F5: variants seen among roughly 807,000 people sequenced by gnomAD.
F5 encodes the protein activated protein c cofactor.
A neutral mutation model predicts 216.4 loss-of-function variants in F5; 138 were observed. That is an observed-to-expected ratio of 0.64 (90% CI 0.56 to 0.73). F5 has a LOEUF of 0.73. F5 is among the 30% of genes least tolerant of loss of function. The pLI is 0.00. For missense variants in F5, 2,403 were observed against 2,674.0 expected (o/e 0.90, Z 2.24); for synonymous variants, 916 against 930.7 (o/e 0.98, Z 0.29).
At chr1:169,572,435 T>C (rs1660747722) in intron 2 of F5, 92 bp from the exon 3 acceptor site, 2 of 1,471,744 alleles carry the variant, frequency 1.4e-6, no homozygotes, top group Non-Finnish European at 1.9e-6. Flanking sequence ...ATACCAAGAG[T>C]GATTGCTACC....
chr1:169,541,944 T>C lies in F5; in HGVS notation c.3146A>G (p.His1049Arg), dbSNP rs1659863565. The change falls in exon 13 of 25, where the codon CAC (histidine) becomes CGC (arginine). Residue 1049 changes from histidine (H) to arginine (R), a missense_variant. His to Arg is a conservative substitution (Grantham distance 29, BLOSUM62 0). This residue lies in a region of F5 where 1,425 missense variants were observed against 1,554.8 expected (regional missense o/e 0.92). Coordinates refer to ENST00000367797, the MANE Select transcript of F5 (RefSeq NM_000130.5). ...HHAPLSPRTF[H>R]PLRSEAYNTF... ...GTTGTAGGCTTCACTTCTTAGAGGG[T>C]GAAAGGTCCTCGGAGATAAAGGAGC... 2.5e-6 allele frequency: 4 copies of C among 1,614,138 alleles called. No homozygotes were observed. Among genetic ancestry groups the C allele is most frequent in the Non-Finnish European group, 3.4e-6 (4 of 1,180,018 alleles).
At chr1:169,566,720 C>T (rs549356163) in intron 3 of F5, among the ~76,000 whole-genome samples, 1 of 151,894 alleles carries the variant, frequency 6.6e-6, no homozygotes, top group African/African-American at 2.4e-5. Flanking sequence ...TAATATAATC[C>T]TTTTTCTAGA....
rs1024310278 is a variant in F5 at position 169,582,415 on chromosome 1, T to A, written c.250+16A>T. 3 of 1,365,042 alleles carry A rather than the reference T, an allele frequency of 2.2e-6. No homozygotes were observed. Among genetic ancestry groups the A allele is most frequent in the Non-Finnish European group, 3.1e-6 (3 of 969,606 alleles). 84.6% of individuals were successfully genotyped at this position (1,365,042 alleles called of 1,614,324 possible). On this transcript the variant is annotated intron_variant, in intron 2 of 24. Coordinates refer to ENST00000367797, the MANE Select transcript of F5 (RefSeq NM_000130.5). ...AAATTTATCTTTAAAATTAAAAAAG[T>A]ATATTTCAGGCTTACCTGAAATGGT... is the stretch of plus-strand genomic sequence containing the variant.
chr1:169,552,572 G>C lies in F5; in HGVS notation c.1281C>G (p.Val427=), dbSNP rs1292267151. The C allele has an allele frequency of 6.2e-7, 1 of 1,613,384 alleles. No homozygotes were observed. The highest frequency in any genetic ancestry group is 8.5e-7 in the Non-Finnish European group (1 of 1,179,600). Residue 427 remains valine, a synonymous_variant, in exon 8 of 25, where the codon GTC becomes GTG. Coordinates refer to ENST00000367797, the MANE Select transcript of F5 (RefSeq NM_000130.5). ...GILGPIIRAQ[V]RDTLKIVFKN... ...TGTTACTTACTTTGAGTGTGTCTCT[G>C]ACCTGGGCTCTGATAATAGGACCCA...
At position 169,550,722 on chromosome 1, in the gene F5, C is replaced by T; in HGVS notation, c.1314G>A (p.Met438Ile). 1 of 1,613,608 alleles carries T rather than the reference C, an allele frequency of 6.2e-7. No homozygotes were observed. The highest frequency in any genetic ancestry group is 8.5e-7 in the Non-Finnish European group (1 of 1,179,600). Residue 438 changes from methionine to isoleucine, a missense_variant, in exon 9 of 25, where the codon ATG (methionine) becomes ATA (isoleucine). Physicochemically the swap from Met to Ile is conservative, Grantham distance 10. Coordinates refer to ENST00000367797, the MANE Select transcript of F5 (RefSeq NM_000130.5). ...GGTAAATGCTATAGGGGCGGCTGGC[C>T]ATATTTTTGAACACGATCTACAAAG... ...RDTLKIVFKNMASRPYSIYPH... is the reference protein window; with the variant it reads ...RDTLKIVFKNIASRPYSIYPH...
intron 3 of F5, among the ~76,000 whole-genome samples, chr1:169,564,537 T>C (rs137956128): frequency 7.2e-4 from 110 of 152,212 alleles, no homozygotes; most frequent in Non-Finnish European, 1.3e-3. Context: ...TGTCTGTCAT[T>C]CGATGTCTGA....
chr1:169,539,201 A>G (rs1398455327), intron 13 of F5, among the ~76,000 whole-genome samples: 1 of 152,142 alleles, frequency 6.6e-6, no homozygotes, highest in Non-Finnish European at 1.5e-5. Context: ...AATATTTGCT[A>G]TATACTGTGA....
At position 169,528,271 on chromosome 1, in the gene F5, G is replaced by A. The variant is rs376227546; in HGVS notation, c.5420-177C>T. Among the ~76,000 whole-genome samples the A allele has an allele frequency of 3.5e-4, 53 of 152,308 alleles. No homozygotes were observed. The South Asian group carries it at 0.011, about 30-fold the overall frequency. On this transcript the variant is annotated intron_variant, in intron 16 of 24. Transcript: ENST00000367797. ...GTCACATTAGTGAGAGGCTAAAGCAGAACCACTAGTCCTTCTCATATCATT... is the reference window on the plus strand; with the variant it reads ...GTCACATTAGTGAGAGGCTAAAGCAAAACCACTAGTCCTTCTCATATCATT...
Position 169,518,484 on chromosome 1 carries a change from C to A in F5, c.6273G>T (p.Trp2091Cys). ...QITASSFKKS[W>C]WGDYWEPFRA... ...GGAAGGGTTCCCAGTAATCTCCCCACCAAGATTTCTTAAACGAAGAAGCTG... is the reference window on the plus strand; with the variant it reads ...GGAAGGGTTCCCAGTAATCTCCCCAACAAGATTTCTTAAACGAAGAAGCTG... The change falls in exon 23 of 25, where the codon TGG becomes TGT. Residue 2091 changes from tryptophan (W) to cysteine (C), a missense_variant. Physicochemically the swap from Trp to Cys is radical, Grantham distance 215. Transcript: ENST00000367797. 6.2e-7 allele frequency: 1 copy of A among 1,613,892 alleles called. No homozygotes were observed. Among genetic ancestry groups the A allele is most frequent in the Non-Finnish European group, 8.5e-7 (1 of 1,179,876 alleles).
chr1:169,545,141 C>T (rs1410411363), intron 11 of F5, among the ~76,000 whole-genome samples: 1 of 152,180 alleles, frequency 6.6e-6, no homozygotes, highest in Non-Finnish European at 1.5e-5. Context: ...GCCTTAGTAC[C>T]AGTATAATGA....
intron 21 of F5, among the ~76,000 whole-genome samples, chr1:169,521,770 G>T (rs549835079): frequency 1.3e-5 from 2 of 148,380 alleles, no homozygotes; most frequent in South Asian, 4.5e-4. Flanking sequence ...ACAAGTGCAC[G>T]CCACCCTGCC....
chr1:169,530,911 T>A lies in F5; in HGVS notation c.5083A>T (p.Lys1695Ter), dbSNP rs1274612002. 6.2e-7 allele frequency: 1 copy of A among 1,613,698 alleles called. No individual in the cohort carries two copies. Among genetic ancestry groups the A allele is most frequent in the Non-Finnish European group, 8.5e-7 (1 of 1,179,732 alleles). ...TTTGGCTGAACAGCATTATCTTCCTTAAACCATTCAGGAGAGTCATCTTCA... is the reference window on the plus strand; with the variant it reads ...TTTGGCTGAACAGCATTATCTTCCTAAAACCATTCAGGAGAGTCATCTTCA... ...TYEDDSPEWF[K>*]EDNAVQPNSS... Residue 1695 changes from lysine (K) to a stop codon, truncating the protein, a stop_gained, in exon 15 of 25, where the codon AAG (lysine) becomes TAG (stop). Transcript: ENST00000367797. LOFTEE classifies it high-confidence loss of function.
At chr1:169,553,987 C>G (rs2101828265) in intron 7 of F5, among the ~76,000 whole-genome samples, 1 of 152,198 alleles carries the variant, frequency 6.6e-6, no homozygotes, top group South Asian at 2.1e-4. Flanking sequence ...GTGGAAAGCA[C>G]TGACTGTTGC....
intron 1 of F5, 133 bp from the exon 2 acceptor site, chr1:169,582,655 C>T (rs551377986): frequency 2.0e-6 from 1 of 510,392 alleles, no homozygotes; most frequent in African/African-American, 1.9e-5. Flanking sequence ...TTCAGAAGTC[C>T]ACAGTTTTAT....
Position 169,531,025 on chromosome 1 carries a change from A to G in F5, c.4972-3T>C, listed in dbSNP as rs1277942158. The G allele has an allele frequency of 6.2e-7, 1 of 1,602,848 alleles. No homozygotes were observed. Among genetic ancestry groups the G allele is most frequent in the Non-Finnish European group, 8.5e-7 (1 of 1,172,254 alleles). ...GATGCTAAATTTTTAAAACGAACCT[A>G]GGAAAAGGAATGATCCACAAATGTA... On this transcript the variant is annotated splice_polypyrimidine_tract_variant and splice_region_variant and intron_variant, in intron 14 of 24. Transcript: ENST00000367797.
intron 20 of F5, 32 bp downstream of exon 20, chr1:169,523,769 G>T: frequency 6.8e-7 from 1 of 1,464,802 alleles, no homozygotes; most frequent in Non-Finnish European, 9.6e-7. Flanking sequence ...TATTACGATA[G>T]CAGTAAATAT....
chr1:169,550,791 T>G, intron 8 of F5, 52 bp from the exon 9 acceptor site: 1 of 1,297,746 alleles, frequency 7.7e-7, no homozygotes, highest in South Asian at 1.2e-5. Context: ...TCATGACAAA[T>G]AATATAAGAT....
intron 7 of F5, among the ~76,000 whole-genome samples, chr1:169,554,860 A>G (rs920296835): frequency 6.6e-6 from 1 of 152,202 alleles, no homozygotes. Context: ...TCTCAGACCC[A>G]TTTCCTCATC....
At chr1:169,582,583 CA>C (rs1335417898) in intron 1 of F5, 61 bp from the exon 2 acceptor site, 54 of 892,466 alleles carry the variant, frequency 6.1e-5, no homozygotes, top group African/African-American at 1.3e-4. Flanking sequence ...TCTCACATTA[CA>C]AAAAAAGTAG....
Sources: allele counts gnomAD v4.1 joint callset (sites outside exome capture counted in the v4.1 genomes callset), GRCh38; gene constraint gnomAD v4.1.1; regional missense constraint gnomAD v4.1.1; transcripts MANE v1.5; gene names NCBI Gene and HGNC (gene_info 2026-07-23, HGNC 2026-07-21).